The following LMAN1 variants were observed in gnomAD, a reference collection of about 807,000 sequenced individuals.
The protein encoded by LMAN1 is lectin, mannose binding 1.
In LMAN1, 32 loss-of-function variants were observed where a neutral mutation model predicts 67.8. That is an observed-to-expected ratio of 0.47 (90% CI 0.36 to 0.63). The LOEUF (loss-of-function observed/expected upper bound fraction) is 0.63, where lower values mean the gene tolerates loss of function less well. Ranked by LOEUF, LMAN1 falls within the 30% of genes least tolerant of loss-of-function variation. The probability of loss-of-function intolerance (pLI) is 0.00; values close to 1 mark genes in which losing one functional copy is unlikely to be tolerated. For missense variants in LMAN1, 632 were observed against 628.2 expected (o/e 1.01, Z -0.06); for synonymous variants, 235 against 219.3 (o/e 1.07, Z -0.63).
intron 5 of LMAN1, among the ~76,000 whole-genome samples, chr18:59,352,428 C>T (rs1207823215): frequency 6.6e-6 from 1 of 152,210 alleles, no homozygotes; most frequent in African/African-American, 2.4e-5. Flanking sequence ...CTGCTTAAAA[C>T]CCTTTAAACA....
At chr18:59,358,557 C>T (rs985896636) in intron 1 of LMAN1, among the ~76,000 whole-genome samples, 2 of 151,346 alleles carry the variant, frequency 1.3e-5, no homozygotes, top group Non-Finnish European at 2.9e-5. Context: ...ATTGCTAACA[C>T]CGGAGCAAAG....
At chr18:59,344,722 C>T in intron 8 of LMAN1, among the ~76,000 whole-genome samples, 1 of 152,098 alleles carries the variant, frequency 6.6e-6, no homozygotes, top group South Asian at 2.1e-4. Flanking sequence ...TGAGAGTACA[C>T]TAAAACCCCA....
intron 1 of LMAN1, 27 bp downstream of exon 1, chr18:59,359,004 G>A: frequency 6.2e-7 from 1 of 1,606,578 alleles, no homozygotes; most frequent in South Asian, 1.1e-5. Context: ...AGAGGAACCC[G>A]GCCCCCAGCC....
rs751577672 is a variant in LMAN1, at chr18:59,355,326, T to C, written c.464A>G (p.Asp155Gly). ...NGVGIFFDSFDNDGKKNNPAI... is the reference protein window; with the variant it reads ...NGVGIFFDSFGNDGKKNNPAI... ...CAATAAATATACCTTTCCATCATTG[T>C]CAAAAGAATCAAAAAATATTCCAAC... Residue 155 changes from aspartate (D) to glycine (G), a missense_variant, in exon 3 of 13, where the codon GAC becomes GGC. Asp to Gly is a moderately conservative substitution (Grantham distance 94, BLOSUM62 -1). Coordinates refer to ENST00000251047, the MANE Select transcript of LMAN1 (RefSeq NM_005570.4). The C allele has an allele frequency of 1.2e-6, 2 of 1,612,252 alleles. No homozygotes were observed. The highest frequency in any genetic ancestry group is 1.3e-5 in the African/African-American group (1 of 74,998).
At chr18:59,336,891 T>A (rs888425183) in intron 10 of LMAN1, among the ~76,000 whole-genome samples, 5 of 150,954 alleles carry the variant, frequency 3.3e-5, no homozygotes, top group Admixed American at 6.6e-5. Context: ...CTCAAAAAAA[T>A]AAATAAATAA....
At chr18:59,335,116 C>T (rs977586268) in intron 10 of LMAN1, among the ~76,000 whole-genome samples, 3 of 151,992 alleles carry the variant, frequency 2.0e-5, no homozygotes, top group Admixed American at 1.3e-4. Context: ...ATATGCTACC[C>T]GTCACATAAG....
intron 12 of LMAN1, 57 bp downstream of exon 12, chr18:59,331,361 A>T: frequency 6.6e-7 from 1 of 1,504,930 alleles, no homozygotes; most frequent in Non-Finnish European, 9.2e-7. Context: ...TTAGTTGAAT[A>T]TTTCTAATTA....
At position 59,353,924 on chromosome 18, in the gene LMAN1, T is replaced by C. The variant is rs191262249; in HGVS notation, c.539+595A>G. ...TCTAGATTACTTATCACACCTAATATGATGTAAATGCTTTGTAAATAGTTG... is the reference window on the plus strand; with the variant it reads ...TCTAGATTACTTATCACACCTAATACGATGTAAATGCTTTGTAAATAGTTG... On this transcript the variant is annotated intron_variant, in intron 4 of 12. Coordinates refer to ENST00000251047, the MANE Select transcript of LMAN1 (RefSeq NM_005570.4). 3.7e-3 allele frequency among the ~76,000 whole-genome samples: 556 copies of C among 152,304 alleles called. 6 individuals carry two copies. The highest frequency in any genetic ancestry group is 0.013 in the African/African-American group (525 of 41,576).
Position 59,358,993 on chromosome 18 carries a change from G to T in LMAN1, c.214+38C>A, listed in dbSNP as rs2277727. On this transcript the variant is annotated intron_variant, in intron 1 of 12. Coordinates refer to ENST00000251047, the MANE Select transcript of LMAN1 (RefSeq NM_005570.4). ...AAAGGCGAAGAGGCAGCAGAAGGGG[G>T]AGAGGAACCCGGCCCCCAGCCCTCT... The T allele has an allele frequency of 2.1e-4, 330 of 1,594,750 alleles. 4 individuals carry two copies. The East Asian group carries it at 7.3e-3, about 35-fold the overall frequency.
intron 1 of LMAN1, among the ~76,000 whole-genome samples, chr18:59,358,758 C>T (rs1908721321): frequency 6.6e-6 from 1 of 152,004 alleles, no homozygotes; most frequent in Admixed American, 6.6e-5. Context: ...CTAGATCCAA[C>T]GGAAAGTACC....
intron 1 of LMAN1, among the ~76,000 whole-genome samples, chr18:59,358,000 A>G (rs1034023767): frequency 3.3e-5 from 5 of 151,960 alleles, no homozygotes; most frequent in African/African-American, 4.8e-5. Flanking sequence ...ATCACACACA[A>G]AGATAGAATT....
At position 59,338,951 on chromosome 18, in the gene LMAN1, C is replaced by A. The variant is rs1311766256; in HGVS notation, c.958G>T (p.Glu320Ter). The change falls in exon 9 of 13, where the codon GAG becomes TAG. Residue 320 changes from glutamate (E) to a stop codon, truncating the protein, a stop_gained and splice_region_variant. Coordinates refer to ENST00000251047, the MANE Select transcript of LMAN1 (RefSeq NM_005570.4). LOFTEE classifies it high-confidence loss of function. ...TCTCCTACACTCTCAAATATTTCCT[C>A]CGCTGAAAAGGAAATAAATAAAAAT... ...GHPDLQGQPA[E>*]EIFESVGDRE... 6.2e-7 allele frequency: 1 copy of A among 1,610,146 alleles called. No homozygotes were observed. The highest frequency in any genetic ancestry group is 1.3e-5 in the African/African-American group (1 of 74,842).
chr18:59,331,243 A>C, intron 12 of LMAN1, 114 bp from the exon 13 acceptor site: 1 of 1,069,772 alleles, frequency 9.3e-7, no homozygotes, highest in Non-Finnish European at 1.4e-6. Flanking sequence ...CAACGCATTA[A>C]GATAAACATA....
chr18:59,332,570 A>C (rs890767896), intron 11 of LMAN1, among the ~76,000 whole-genome samples: 8 of 152,172 alleles, frequency 5.3e-5, no homozygotes, highest in Non-Finnish European at 4.4e-5. Context: ...ATAAAACGCG[A>C]TATAAAATAT....
intron 10 of LMAN1, chr18:59,333,573 T>C (rs1242921372): frequency 3.5e-6 from 1 of 286,740 alleles, no homozygotes; most frequent in African/African-American, 2.3e-5. Flanking sequence ...TTTCTAGGTG[T>C]TCAGCTGTAC....
intron 10 of LMAN1, among the ~76,000 whole-genome samples, chr18:59,337,897 G>A (rs926679916): frequency 5.9e-5 from 9 of 152,096 alleles, no homozygotes; most frequent in African/African-American, 1.2e-4. Flanking sequence ...GGGTTCTATC[G>A]GTTGGGACAG....
intron 7 of LMAN1, among the ~76,000 whole-genome samples, chr18:59,347,172 A>T (rs1223505859): frequency 1.3e-5 from 2 of 150,934 alleles, no homozygotes; most frequent in Non-Finnish European, 3.0e-5. Flanking sequence ...AGCTTACCGC[A>T]ACCTCTCGCT....
chr18:59,331,900 C>A (rs907438097), intron 11 of LMAN1, among the ~76,000 whole-genome samples: 1 of 152,122 alleles, frequency 6.6e-6, no homozygotes, highest in Admixed American at 6.6e-5. Context: ...TATTAGCACC[C>A]CTTCATTCTC....
In LMAN1 at chr18:59,330,248, C is replaced by A. The variant is rs1319608314; in HGVS notation, c.*845G>T. 2 of 152,462 alleles carry A rather than the reference C, an allele frequency of 1.3e-5. No homozygotes were observed. The highest frequency in any genetic ancestry group is 2.9e-5 in the Non-Finnish European group (2 of 67,994). 9.4% of individuals were successfully genotyped at this position (152,462 alleles called of 1,614,324 possible). On this transcript the variant is annotated 3_prime_UTR_variant, in exon 13 of 13. Transcript: ENST00000251047. ...AAATCCTCAGATCATGCAATTTGAG[C>A]TGAATTTACATGCTGTAGTAAAGGG...
Sources: allele counts gnomAD v4.1 joint callset (sites outside exome capture counted in the v4.1 genomes callset), GRCh38; gene constraint gnomAD v4.1.1; transcripts MANE v1.5; gene names NCBI Gene and HGNC (gene_info 2026-07-23, HGNC 2026-07-21).